Variants in PSMF1 observed in about 807,000 individuals in gnomAD.
PSMF1 encodes proteasome inhibitor PI31 subunit.
PSMF1 carries 30 observed loss-of-function variants against 29.3 expected under a neutral mutation model. That is an observed-to-expected ratio of 1.02 (90% CI 0.77 to 1.39). PSMF1 has a LOEUF of 1.39. PSMF1 is among the 40% of genes most tolerant of loss of function. The probability of loss-of-function intolerance (pLI) is 0.00; values close to 1 mark genes in which losing one functional copy is unlikely to be tolerated. For synonymous variants in PSMF1, 134 were observed against 139.7 expected (o/e 0.96, Z 0.29); for missense variants, 344 against 357.5 (o/e 0.96, Z 0.31).
chr20:1,123,808 G>T (rs577189093), intron 1 of PSMF1, among the ~76,000 whole-genome samples: 1 of 152,182 alleles, frequency 6.6e-6, no homozygotes, highest in Non-Finnish European at 1.5e-5. Context: ...CCACCAGCAG[G>T]GACTGGAGGT....
rs1448271880 is a variant in PSMF1 at position 1,169,528 on chromosome 20, G to A, written c.*4448G>A. Among the ~76,000 whole-genome samples the A allele has an allele frequency of 6.6e-6, 1 of 152,128 alleles. No individual in the cohort carries two copies. Among genetic ancestry groups the A allele is most frequent in the East Asian group, 1.9e-4 (1 of 5,182 alleles). Reference sequence around the variant, plus strand: ...GGTTTAGAGGGACAAGGTAGTGAGAGGATGCTGCTGACGCATTAGTCCTGG... The same window carrying A: ...GGTTTAGAGGGACAAGGTAGTGAGAAGATGCTGCTGACGCATTAGTCCTGG... On this transcript the variant is annotated 3_prime_UTR_variant, in exon 7 of 7. Transcript: ENST00000335877.
chr20:1,160,796 C>T (rs1050826064), intron 4 of PSMF1: 3 of 431,614 alleles, frequency 7.0e-6, no homozygotes, highest in Admixed American at 2.5e-5. Flanking sequence ...AGTACCCCAT[C>T]GAGCACAGGA....
In PSMF1 at chr20:1,161,659, C is replaced by A. The variant is rs77487788; in HGVS notation, c.552-1471C>A. On this transcript the variant is annotated intron_variant, in intron 4 of 6. Transcript: ENST00000335877. ...TGTGGATTAGCAAGCAGGAGTATGA[C>A]AAGTCGGGCCCCTCCATGTCCACCA... 2,327 of 675,178 alleles carry A rather than the reference C, an allele frequency of 3.4e-3. 39 individuals carry two copies. In the African/African-American group the frequency reaches 0.037, roughly 11 times the overall value. The allele number at this position is 675,178 out of a possible 1,614,324, so 41.8% of individuals were successfully genotyped here.
chr20:1,160,748 C>G, intron 4 of PSMF1: 3 of 439,504 alleles, frequency 6.8e-6, no homozygotes, highest in South Asian at 5.2e-5. Context: ...TCTACCTGGG[C>G]GACAAGGCCC....
At chr20:1,118,105 C>A (rs1445077536), upstream of PSMF1, 1 of 152,226 alleles carries the variant, frequency 6.6e-6, no homozygotes, top group Non-Finnish European at 1.5e-5. Context: ...ATCTTAGAAG[C>A]CAGACTGCCA....
chr20:1,130,503 T>C (rs1295051030), intron 3 of PSMF1, among the ~76,000 whole-genome samples: 1 of 152,190 alleles, frequency 6.6e-6, no homozygotes, highest in Non-Finnish European at 1.5e-5. Flanking sequence ...ACCTCTTCCC[T>C]CTGTCTAAAG....
intron 3 of PSMF1, among the ~76,000 whole-genome samples, chr20:1,133,570 T>TATATATATATATATATATATATA (rs1555760108): frequency 4.4e-4 from 28 of 63,142 alleles, no homozygotes; most frequent in Admixed American, 1.2e-3. Context: ...TATATATATA[T>TATATATATATATATATATATATA]TTTTTTTTTT....
At position 1,171,447 on chromosome 20, in the gene PSMF1, T is replaced by A. The variant is rs1275526506; in HGVS notation, c.*6367T>A. On this transcript the variant is annotated 3_prime_UTR_variant, in exon 7 of 7. Coordinates refer to ENST00000335877, the MANE Select transcript of PSMF1 (RefSeq NM_006814.5). ...TAGTAGGATGGCAGCTAGTCTTCCC[T>A]ATTGACAGGTGAAAAAGCAGGTCCA... 6.6e-6 allele frequency among the ~76,000 whole-genome samples: 1 copy of A among 152,130 alleles called. No homozygotes were observed. The highest frequency in any genetic ancestry group is 1.9e-4 in the East Asian group (1 of 5,186).
At chr20:1,123,908 A>G (rs1017603734) in intron 1 of PSMF1, among the ~76,000 whole-genome samples, 12 of 152,234 alleles carry the variant, frequency 7.9e-5, no homozygotes, top group African/African-American at 2.7e-4. Context: ...GTGTCTCATT[A>G]TTTCAGTTCT....
intron 4 of PSMF1, among the ~76,000 whole-genome samples, chr20:1,143,732 A>G (rs2086412794): frequency 6.6e-6 from 1 of 152,178 alleles, no homozygotes; most frequent in South Asian, 2.1e-4. Context: ...ATATTCAACA[A>G]AGGATTCATA....
Position 1,127,486 on chromosome 20 carries a change from G to C in PSMF1, c.343G>C (p.Glu115Gln). 2 of 1,605,262 alleles carry C rather than the reference G, an allele frequency of 1.2e-6. No individual in the cohort carries two copies. Among genetic ancestry groups the C allele is most frequent in the Non-Finnish European group, 1.7e-6 (2 of 1,171,874 alleles). ...TLNLDDYIDA[E>Q]HLGDFHRTYK... ...GAACTTGGATGATTATATCGATGCA[G>C]AACACCTGGGTGACTTCCACAGGTA... The change falls in exon 3 of 7, where the codon GAA becomes CAA. Residue 115 changes from glutamate to glutamine, a missense_variant. Transcript: ENST00000335877.
intron 4 of PSMF1, among the ~76,000 whole-genome samples, chr20:1,148,090 G>T (rs2086478780): frequency 6.6e-6 from 1 of 152,192 alleles, no homozygotes; most frequent in Admixed American, 6.5e-5. Flanking sequence ...ACTAAAGTTG[G>T]AATTGTCTGC....
At chr20:1,150,428 G>A (rs972171316) in intron 4 of PSMF1, among the ~76,000 whole-genome samples, 2 of 151,984 alleles carry the variant, frequency 1.3e-5, no homozygotes, top group Non-Finnish European at 2.9e-5. Context: ...TGCACCGTCA[G>A]TGCAAATGTC....
rs2086723285 is a variant in PSMF1, at chr20:1,165,867, T to C, written c.*787T>C. 11 of 1,160,906 alleles carry C rather than the reference T, an allele frequency of 9.5e-6. No individual in the cohort carries two copies. The highest frequency in any genetic ancestry group is 1.2e-5 in the Non-Finnish European group (11 of 934,576). The allele number at this position is 1,160,906 out of a possible 1,614,324, so 71.9% of individuals were successfully genotyped here. A position where few individuals can be genotyped will look rare whatever the true frequency, so the allele number is the denominator to read the frequency against. ...AGAGCAGACCTGAAGGCTAATCTTATTTTTGCCACTAACTTAGTGAATGAC... is the reference window on the plus strand; with the variant it reads ...AGAGCAGACCTGAAGGCTAATCTTACTTTTGCCACTAACTTAGTGAATGAC... On this transcript the variant is annotated 3_prime_UTR_variant, in exon 7 of 7. Coordinates refer to ENST00000335877, the MANE Select transcript of PSMF1 (RefSeq NM_006814.5).
intron 4 of PSMF1, among the ~76,000 whole-genome samples, chr20:1,142,091 G>A (rs913396105): frequency 2.0e-5 from 3 of 151,992 alleles, no homozygotes; most frequent in African/African-American, 4.8e-5. Context: ...GTGTGGTGGC[G>A]CACGCCTGTA....
intron 3 of PSMF1, among the ~76,000 whole-genome samples, chr20:1,133,569 A>T (rs374922701): frequency 6.0e-4 from 32 of 53,306 alleles, no homozygotes; most frequent in South Asian, 2.0e-3. Flanking sequence ...ATATATATAT[A>T]TTTTTTTTTT....
intron 4 of PSMF1, among the ~76,000 whole-genome samples, chr20:1,151,880 G>A (rs372598092): frequency 6.6e-6 from 1 of 152,180 alleles, no homozygotes; most frequent in South Asian, 2.1e-4. Context: ...GTACCAGTGG[G>A]GCTATGAAAT....
In PSMF1 at chr20:1,164,326, G is replaced by A. The variant is rs749897640; in HGVS notation, c.614G>A (p.Arg205Lys). The stretch of plus-strand genomic sequence containing the variant: ...TTTTCTTCTTGCCTCAGGCCTCGGA[G>A]AGGTGGCATGATTGTGGATCCCCTG... ...GEDLDPFGPRRGGMIVDPLRS... is the reference protein window; with the variant it reads ...GEDLDPFGPRKGGMIVDPLRS... Residue 205 changes from arginine (R) to lysine (K), a missense_variant, in exon 6 of 7, where the codon AGA (arginine) becomes AAA (lysine). By Grantham distance (26) the Arg-to-Lys change is conservative. Coordinates refer to ENST00000335877, the MANE Select transcript of PSMF1 (RefSeq NM_006814.5). This position sits in a 1 kb window ranked among gnomAD's most constrained non-coding sequence, Gnocchi z 4.1. 5.6e-6 allele frequency: 9 copies of A among 1,613,730 alleles called. No homozygotes were observed. The East Asian group carries it at 2.0e-4, about 36-fold the overall frequency.
intron 4 of PSMF1, chr20:1,161,344 T>G (rs1266750887): frequency 1.8e-5 from 6 of 337,348 alleles, no homozygotes. Flanking sequence ...TTCCAGTGTT[T>G]GGAGGTGTTG....
Sources: allele counts gnomAD v4.1 joint callset (sites outside exome capture counted in the v4.1 genomes callset), GRCh38; gene constraint gnomAD v4.1.1; non-coding constraint Gnocchi (gnomAD v3.1); transcripts MANE v1.5; gene names NCBI Gene and HGNC (gene_info 2026-07-23, HGNC 2026-07-21).